CNGB3: variants seen among roughly 807,000 people sequenced by gnomAD.
CNGB3 encodes the protein cyclic nucleotide gated channel subunit beta 3, also known as cyclic nucleotide-gated channel beta-3.
In CNGB3, 86 loss-of-function variants were observed where a neutral mutation model predicts 92.8. The observed-to-expected ratio is 0.93, with a 90% CI of 0.78 to 1.11. CNGB3 has a LOEUF of 1.11. Ranked by LOEUF, CNGB3 falls within the 50% of genes least tolerant of loss-of-function variation. The pLI is 0.00. For synonymous variants in CNGB3, 333 were observed against 332.7 expected (o/e 1.00, Z -0.01); for missense variants, 1,026 against 956.8 (o/e 1.07, Z -0.95).
chr8:86,662,836 C>T (rs1219795156), intron 6 of CNGB3, among the ~76,000 whole-genome samples: 3 of 152,110 alleles, frequency 2.0e-5, no homozygotes, highest in Non-Finnish European at 4.4e-5. Flanking sequence ...AAACCGTCTC[C>T]GAGCCTAAAT....
At chr8:86,583,977 T>C (rs1821844369) in intron 15 of CNGB3, among the ~76,000 whole-genome samples, 1 of 148,698 alleles carries the variant, frequency 6.7e-6, no homozygotes, top group African/African-American at 2.5e-5. Flanking sequence ...AAAGTATATA[T>C]TTGGAATCTT....
intron 10 of CNGB3, among the ~76,000 whole-genome samples, chr8:86,639,744 A>G (rs992152968): frequency 6.6e-6 from 1 of 152,158 alleles, no homozygotes; most frequent in Non-Finnish European, 1.5e-5. Flanking sequence ...TATGCAAATT[A>G]TCTAAAAAGA....
intron 3 of CNGB3, among the ~76,000 whole-genome samples, chr8:86,690,481 G>C (rs559535856): frequency 1.3e-5 from 2 of 152,096 alleles, no homozygotes; most frequent in East Asian, 3.9e-4. Context: ...TGAGTAGATT[G>C]CAAAAATTTT....
At chr8:86,674,827 A>G (rs1823934818) in intron 3 of CNGB3, among the ~76,000 whole-genome samples, 1 of 152,072 alleles carries the variant, frequency 6.6e-6, no homozygotes, top group Admixed American at 6.6e-5. Context: ...ATCATAGCTC[A>G]CTGCAGCCTT....
At chr8:86,713,499 A>G (rs1373543713) in intron 3 of CNGB3, among the ~76,000 whole-genome samples, 1 of 152,190 alleles carries the variant, frequency 6.6e-6, no homozygotes, top group Admixed American at 6.5e-5. Flanking sequence ...TTCTTTAGGA[A>G]CTAGCTACTG....
At chr8:86,705,315 C>G (rs925555677) in intron 3 of CNGB3, among the ~76,000 whole-genome samples, 1 of 152,044 alleles carries the variant, frequency 6.6e-6, no homozygotes, top group Non-Finnish European at 1.5e-5. Context: ...CCAAATTGTA[C>G]TATGCACCAG....
intron 13 of CNGB3, among the ~76,000 whole-genome samples, chr8:86,624,966 C>G (rs1423317132): frequency 6.6e-6 from 1 of 152,116 alleles, no homozygotes; most frequent in African/African-American, 2.4e-5. Flanking sequence ...GTGACACTGA[C>G]CACACCTGCC....
chr8:86,685,682 AG>A (rs1563753839), intron 3 of CNGB3, among the ~76,000 whole-genome samples: 1 of 152,128 alleles, frequency 6.6e-6, no homozygotes, highest in Non-Finnish European at 1.5e-5. Context: ...TCATATATGC[AG>A]ATAGGTGATA....
chr8:86,708,868 ATAAAATCC>A (rs1167257562), intron 3 of CNGB3, among the ~76,000 whole-genome samples: 1 of 152,166 alleles, frequency 6.6e-6, no homozygotes, highest in South Asian at 2.1e-4. Context: ...GAATGAAGGA[ATAAAATCC>A]TGGCTGAAAC....
intron 15 of CNGB3, among the ~76,000 whole-genome samples, chr8:86,595,958 C>A (rs1822164005): frequency 6.6e-6 from 1 of 152,096 alleles, no homozygotes; most frequent in African/African-American, 2.4e-5. Context: ...GAAAAGACAG[C>A]ATTTAAATGT....
intron 3 of CNGB3, among the ~76,000 whole-genome samples, chr8:86,694,911 A>T (rs1398273857): frequency 6.6e-6 from 1 of 152,144 alleles, no homozygotes; most frequent in Non-Finnish European, 1.5e-5. Context: ...GCCCGGGCAG[A>T]GGCTGCAATC....
At chr8:86,672,032 T>C (rs975865794) in intron 3 of CNGB3, among the ~76,000 whole-genome samples, 1 of 152,240 alleles carries the variant, frequency 6.6e-6, no homozygotes, top group African/African-American at 2.4e-5. Context: ...CACTTAAGTA[T>C]GTGGTAATTT....
rs548718772 is a variant in CNGB3, at chr8:86,682,616, G to C, written c.339-11518C>G. The stretch of plus-strand genomic sequence containing the variant: ...TGCAGAGATTGGCTTCTTTCATAGC[G>C]ATGCCAGGAGAGATGTGTGGAGAGC... On this transcript the variant is annotated intron_variant, in intron 3 of 17. Transcript: ENST00000320005. 2.0e-4 allele frequency among the ~76,000 whole-genome samples: 30 copies of C among 152,260 alleles called. 1 individual carries two copies. Among genetic ancestry groups the C allele is most frequent in the African/African-American group, 7.2e-4 (30 of 41,536 alleles).
intron 3 of CNGB3, among the ~76,000 whole-genome samples, chr8:86,703,466 T>C (rs1221716374): frequency 1.3e-5 from 2 of 152,204 alleles, no homozygotes; most frequent in Non-Finnish European, 2.9e-5. Flanking sequence ...CCCTTAGCCA[T>C]TGTTTTCCTT....
intron 3 of CNGB3, among the ~76,000 whole-genome samples, chr8:86,717,058 A>G (rs1824867391): frequency 6.6e-6 from 1 of 152,220 alleles, no homozygotes; most frequent in Non-Finnish European, 1.5e-5. Context: ...AAAAGCGAGC[A>G]GGAAAAGCTA....
intron 6 of CNGB3, among the ~76,000 whole-genome samples, chr8:86,662,395 C>A (rs1823659435): frequency 6.6e-6 from 1 of 152,174 alleles, no homozygotes; most frequent in Admixed American, 6.5e-5. Context: ...TCCCTACTCT[C>A]AAGAAACTTA....
intron 15 of CNGB3, among the ~76,000 whole-genome samples, chr8:86,589,532 T>C (rs1233053126): frequency 6.6e-6 from 1 of 152,128 alleles, no homozygotes; most frequent in Non-Finnish European, 1.5e-5. Context: ...GATTCTGGTA[T>C]GTTGCGTCTT....
chr8:86,601,645 T>C (rs1822303711), intron 15 of CNGB3, among the ~76,000 whole-genome samples: 1 of 152,156 alleles, frequency 6.6e-6, no homozygotes, highest in South Asian at 2.1e-4. Flanking sequence ...CTTTCCAGTA[T>C]CTGGATGTTT....
chr8:86,661,519 A>C, intron 6 of CNGB3: 1 of 666,730 alleles, frequency 1.5e-6, no homozygotes, highest in Non-Finnish European at 2.9e-6. Flanking sequence ...ACCACATCAC[A>C]TTTAAATGGC....
Sources: gnomAD v4.1 joint callset for allele counts (sites outside exome capture counted in the v4.1 genomes callset) on GRCh38, gnomAD v4.1.1 for gene constraint, MANE v1.5 for transcripts, NCBI Gene and HGNC (gene_info 2026-07-23, HGNC 2026-07-21) for gene names.